TMEM44: variants seen among roughly 807,000 people sequenced by gnomAD.
TMEM44 encodes transmembrane protein 44.
Under a neutral mutation model 47.8 loss-of-function variants are expected in TMEM44, and 43 were observed. That is an observed-to-expected ratio of 0.90 (90% CI 0.70 to 1.16). The LOEUF is 1.16. TMEM44 is among the 50% of genes most tolerant of loss of function. The pLI, the probability that TMEM44 is intolerant of heterozygous loss-of-function variation, is 0.00. For missense variants in TMEM44, 568 were observed against 555.2 expected (o/e 1.02, Z -0.23); for synonymous variants, 277 against 238.8 (o/e 1.16, Z -1.48).
chr3:194,619,843 G>T (rs372882439), intron 5 of TMEM44, among the ~76,000 whole-genome samples: 32 of 152,266 alleles, frequency 2.1e-4, no homozygotes, highest in African/African-American at 7.7e-4. Context: ...GAGTCCCCAG[G>T]GCAATCTCAC....
chr3:194,629,036 C>T (rs572277797), intron 1 of TMEM44, among the ~76,000 whole-genome samples: 12 of 152,016 alleles, frequency 7.9e-5, no homozygotes, highest in Middle Eastern at 3.4e-3. Flanking sequence ...TGGTGGCGTG[C>T]GCCTGTAATC....
intron 2 of TMEM44, among the ~76,000 whole-genome samples, 163 bp from the exon 3 acceptor site, chr3:194,626,153 C>G (rs1717157788): frequency 6.6e-6 from 1 of 152,178 alleles, no homozygotes; most frequent in Admixed American, 6.5e-5. Context: ...AGTCCATTAT[C>G]ATGTCCACTT....
chr3:194,629,111 C>T (rs1717492772), intron 1 of TMEM44, among the ~76,000 whole-genome samples: 2 of 151,892 alleles, frequency 1.3e-5, no homozygotes, highest in Non-Finnish European at 1.5e-5. Context: ...TTGCAGTGAG[C>T]CAAGATCACA....
chr3:194,603,490 C>T lies in TMEM44; in HGVS notation c.1176+797G>A, dbSNP rs572521247. Among the ~76,000 whole-genome samples the T allele has an allele frequency of 6.6e-5, 10 of 152,260 alleles. No individual in the cohort carries two copies. The South Asian group carries it at 1.7e-3, about 25-fold the overall frequency. ...TTGGCTCACTGTAATTTCCACCTCC[C>T]GGGTTCAAGTGATTCTCATGCCTCA... On this transcript the variant is annotated intron_variant, in intron 9 of 9. Coordinates refer to ENST00000347147, the MANE Select transcript of TMEM44 (RefSeq NM_001011655.3).
chr3:194,608,479 C>A (rs1248873256), intron 8 of TMEM44, among the ~76,000 whole-genome samples: 2 of 152,154 alleles, frequency 1.3e-5, no homozygotes, highest in Non-Finnish European at 2.9e-5. Context: ...AGGACACAGA[C>A]AAACCAAAGT....
At chr3:194,593,492 G>A (rs1053621797) in intron 9 of TMEM44, among the ~76,000 whole-genome samples, 1 of 152,036 alleles carries the variant, frequency 6.6e-6, no homozygotes, top group Non-Finnish European at 1.5e-5. Flanking sequence ...CAAATATGGG[G>A]TATTTGCTAC....
intron 8 of TMEM44, among the ~76,000 whole-genome samples, chr3:194,610,679 A>G (rs574567569): frequency 6.6e-6 from 1 of 152,206 alleles, no homozygotes; most frequent in Admixed American, 6.6e-5. Flanking sequence ...TGTACATTTA[A>G]AGCTGTTTTT....
chr3:194,604,172 G>A, intron 9 of TMEM44, 115 bp downstream of exon 9: 1 of 1,318,314 alleles, frequency 7.6e-7, no homozygotes, highest in Non-Finnish European at 1.0e-6. Context: ...TATTTAGCAG[G>A]TATGAGGTTA....
At chr3:194,588,699 A>G (rs1577133776) in intron 9 of TMEM44, 60 bp from the exon 10 acceptor site, 1 of 1,483,580 alleles carries the variant, frequency 6.7e-7, no homozygotes, top group Admixed American at 1.7e-5. Context: ...CTCATCTGTC[A>G]TAACCCCTGA....
intron 9 of TMEM44, chr3:194,588,890 TCTCCA>T (rs1362715301): frequency 2.0e-6 from 1 of 496,188 alleles, no homozygotes; most frequent in Non-Finnish European, 3.6e-6. Flanking sequence ...CCGCCCTCAT[TCTCCA>T]CTCTTCTCTG....
intron 8 of TMEM44, among the ~76,000 whole-genome samples, chr3:194,608,194 G>C (rs1714963101): frequency 6.6e-6 from 1 of 152,210 alleles, no homozygotes; most frequent in Non-Finnish European, 1.5e-5. Flanking sequence ...GGCTGAAGTG[G>C]GCTCTTAGCT....
intron 5 of TMEM44, chr3:194,623,000 C>G (rs964809435): frequency 4.2e-6 from 2 of 471,032 alleles, no homozygotes; most frequent in Admixed American, 8.5e-5. Context: ...GGGCTTTCCC[C>G]GAGAGGCTCC....
At chr3:194,610,806 T>C in intron 8 of TMEM44, 110 bp downstream of exon 8, 2 of 938,920 alleles carry the variant, frequency 2.1e-6, no homozygotes, top group Non-Finnish European at 3.3e-6. Context: ...TACCTGCTTC[T>C]CTTGTTTTCT....
chr3:194,594,117 T>TTCTATCTA (rs370424904), intron 9 of TMEM44, among the ~76,000 whole-genome samples: 3,961 of 85,476 alleles, frequency 0.046, 79 homozygotes, highest in Middle Eastern at 0.062. Flanking sequence ...TGGCCTAATT[T>TTCTATCTA]TCTATCTATC....
At chr3:194,590,582 T>C (rs1179788000) in intron 9 of TMEM44, among the ~76,000 whole-genome samples, 1 of 152,178 alleles carries the variant, frequency 6.6e-6, no homozygotes, top group Non-Finnish European at 1.5e-5. Flanking sequence ...AGTGTGCTCT[T>C]TGATGAAAAC....
At chr3:194,588,692 A>C (rs1712173503) in intron 9 of TMEM44, 53 bp from the exon 10 acceptor site, 8 of 1,526,384 alleles carry the variant, frequency 5.2e-6, no homozygotes, top group Non-Finnish European at 6.3e-6. Flanking sequence ...GATGCTTCTC[A>C]TCTGTCATAA....
intron 8 of TMEM44, among the ~76,000 whole-genome samples, chr3:194,606,855 A>T (rs1308365070): frequency 6.6e-6 from 1 of 150,660 alleles, no homozygotes; most frequent in Non-Finnish European, 1.5e-5. Flanking sequence ...CTGAGGCATG[A>T]GAATCGAGAA....
In TMEM44 at chr3:194,611,133, C is replaced by T; in HGVS notation, c.913-113G>A. ...GACCCCCGTGGTATTTTCTCTCTCT[C>T]TTTTTTAACGGCACGTCTCACTTTC... is the stretch of plus-strand genomic sequence containing the variant. On this transcript the variant is annotated intron_variant, in intron 7 of 9. Coordinates refer to ENST00000347147, the MANE Select transcript of TMEM44 (RefSeq NM_001011655.3). This position sits in a 1 kb window ranked among gnomAD's most constrained non-coding sequence, Gnocchi z 4.2. The T allele has an allele frequency of 1.2e-6, 1 of 805,358 alleles. No homozygotes were observed. Among genetic ancestry groups the T allele is most frequent in the Non-Finnish European group, 2.1e-6 (1 of 479,474 alleles). The allele number at this position is 805,358 out of a possible 1,614,324, so 49.9% of individuals were successfully genotyped here. A position where few individuals can be genotyped will look rare whatever the true frequency, so the allele number is the denominator to read the frequency against.
chr3:194,623,137 C>A, intron 5 of TMEM44, 87 bp downstream of exon 5: 1 of 1,333,392 alleles, frequency 7.5e-7, no homozygotes, highest in South Asian at 1.4e-5. Flanking sequence ...TGACGCCACA[C>A]CTCCGCCCCA....
Sources: gnomAD v4.1 joint callset for allele counts (sites outside exome capture counted in the v4.1 genomes callset) on GRCh38, gnomAD v4.1.1 for gene constraint, Gnocchi (gnomAD v3.1) non-coding constraint, MANE v1.5 for transcripts, NCBI Gene and HGNC (gene_info 2026-07-23, HGNC 2026-07-21) for gene names.